CHODL: variants seen among roughly 807,000 people sequenced by gnomAD.
CHODL encodes chondrolectin.
Under a neutral mutation model 34.5 loss-of-function variants are expected in CHODL, and 29 were observed. The ratio of observed to expected loss-of-function variants is 0.84; its 90% CI spans 0.63 to 1.15. CHODL has a LOEUF of 1.15. Ranked by LOEUF, CHODL falls within the 50% of genes most tolerant of loss-of-function variation. The probability of loss-of-function intolerance (pLI) is 0.00; values close to 1 mark genes in which losing one functional copy is unlikely to be tolerated. For synonymous variants in CHODL, 125 were observed against 116.1 expected, an observed-to-expected ratio of 1.08 and a Z score of -0.49; for missense variants, 332 against 332.5, an observed-to-expected ratio of 1.00 and a Z score of 0.01.
At chr21:18,089,161 G>C (rs1010490325) in intron 2 of CHODL, among the ~76,000 whole-genome samples, 2 of 152,060 alleles carry the variant, frequency 1.3e-5, no homozygotes, top group Non-Finnish European at 2.9e-5. Flanking sequence ...ACATAACTCT[G>C]TATTATGTGC....
chr21:17,996,252 A>G (rs1436622917), intron 1 of CHODL, among the ~76,000 whole-genome samples: 1 of 152,200 alleles, frequency 6.6e-6, no homozygotes, highest in Non-Finnish European at 1.5e-5. Flanking sequence ...AATGTAAATT[A>G]TAGTCTAAAG....
At chr21:18,185,648 A>G (rs1450422222) in intron 2 of CHODL, among the ~76,000 whole-genome samples, 1 of 152,214 alleles carries the variant, frequency 6.6e-6, no homozygotes, top group Admixed American at 6.5e-5. Context: ...AGGCACATAA[A>G]GGGAGTTTAG....
At chr21:18,083,190 G>A (rs111731795) in intron 2 of CHODL, among the ~76,000 whole-genome samples, 6,341 of 152,278 alleles carry the variant, frequency 0.042, 433 homozygotes, top group African/African-American at 0.14. Flanking sequence ...AGCCATGGCT[G>A]TTGCTTCAGA....
In CHODL at chr21:18,265,941, T is replaced by TTA; in HGVS notation, c.738-11_738-10dup. ...AATTTTAGGCACTAAACATTTTTTCTTATGTTTTTCAGTAAAGGAAGAACA... is the reference window on the plus strand; with the variant it reads ...AATTTTAGGCACTAAACATTTTTTCTTATATGTTTTTCAGTAAAGGAAGAACA... On this transcript the variant is annotated splice_polypyrimidine_tract_variant and intron_variant, in intron 5 of 5. Coordinates refer to ENST00000299295, the MANE Select transcript of CHODL (RefSeq NM_024944.3). 1 of 1,605,268 alleles carries TTA rather than the reference T, an allele frequency of 6.2e-7. No homozygotes were observed. The highest frequency in any genetic ancestry group is 8.5e-7 in the Non-Finnish European group (1 of 1,176,664).
intron 2 of CHODL, among the ~76,000 whole-genome samples, chr21:18,071,475 T>C (rs532085310): frequency 6.6e-6 from 1 of 152,190 alleles, no homozygotes; most frequent in East Asian, 1.9e-4. Flanking sequence ...GTCTCCCTGT[T>C]TCTATGATCA....
rs1472297983 is a variant in CHODL at position 18,194,088 on chromosome 21, T to G, written c.-44-62421T>G. Among the ~76,000 whole-genome samples, 3 of 149,530 alleles carry G rather than the reference T, an allele frequency of 2.0e-5. No individual in the cohort carries two copies. The South Asian group carries it at 6.4e-4, about 32-fold the overall frequency. The stretch of plus-strand genomic sequence containing the variant: ...TACCCCCCTGTGAAAAACACAACGA[T>G]CTTTTGCCCTGATTATCAAAATAGC... On this transcript the variant is annotated intron_variant, in intron 2 of 6. Coordinates refer to the CHODL transcript ENST00000400127.
intron 2 of CHODL, among the ~76,000 whole-genome samples, chr21:18,202,710 A>G (rs976930696): frequency 6.6e-6 from 1 of 152,158 alleles, no homozygotes; most frequent in African/African-American, 2.4e-5. Context: ...TTAGTCCTTA[A>G]CTGATCATGT....
At chr21:17,975,498 A>G (rs2063654495) in intron 1 of CHODL, among the ~76,000 whole-genome samples, 1 of 152,170 alleles carries the variant, frequency 6.6e-6, no homozygotes, top group African/African-American at 2.4e-5. Flanking sequence ...AAGCCTTGCA[A>G]TGGCTGATTC....
intron 1 of CHODL, among the ~76,000 whole-genome samples, chr21:18,013,554 T>C (rs760649407): frequency 5.3e-5 from 8 of 152,064 alleles, no homozygotes; most frequent in African/African-American, 1.9e-4. Context: ...AGGAGTATTA[T>C]TTTGTTTTCT....
chr21:18,096,590 T>G (rs531523406), intron 2 of CHODL, among the ~76,000 whole-genome samples: 91 of 152,262 alleles, frequency 6.0e-4, no homozygotes, highest in South Asian at 3.3e-3. Flanking sequence ...GCCCTCAGGC[T>G]TGCTAGGATT....
intron 2 of CHODL, among the ~76,000 whole-genome samples, chr21:18,176,195 T>G (rs1397648199): frequency 6.6e-6 from 1 of 152,156 alleles, no homozygotes; most frequent in East Asian, 1.9e-4. Context: ...CATTTAGAGA[T>G]AAGTTAGAAG....
chr21:18,174,475 C>T (rs2073281978), intron 2 of CHODL, among the ~76,000 whole-genome samples: 1 of 151,992 alleles, frequency 6.6e-6, no homozygotes, highest in South Asian at 2.1e-4. Flanking sequence ...GATTATAAAA[C>T]ACAGTCACTC....
At chr21:18,171,310 C>T (rs1168738434) in intron 2 of CHODL, among the ~76,000 whole-genome samples, 1 of 146,660 alleles carries the variant, frequency 6.8e-6, no homozygotes, top group African/African-American at 2.5e-5. Context: ...GGGTTCACGC[C>T]ATTCTCCTGC....
intron 2 of CHODL, among the ~76,000 whole-genome samples, chr21:18,152,046 G>A (rs978633958): frequency 3.3e-5 from 5 of 151,234 alleles, no homozygotes; most frequent in African/African-American, 9.7e-5. Flanking sequence ...GTGAATTTGT[G>A]TATAACCTAT....
At chr21:18,049,806 C>T (rs1250210792) in intron 2 of CHODL, among the ~76,000 whole-genome samples, 1 of 151,940 alleles carries the variant, frequency 6.6e-6, no homozygotes, top group East Asian at 1.9e-4. Context: ...ACCTTTTCTT[C>T]AAATACGGCT....
chr21:17,952,617 T>C (rs998031791), intron 1 of CHODL, among the ~76,000 whole-genome samples: 10 of 152,086 alleles, frequency 6.6e-5, no homozygotes, highest in Non-Finnish European at 1.3e-4. Flanking sequence ...ATACCAGATA[T>C]AAACTTGAAC....
At chr21:17,981,087 A>G (rs936778895) in intron 1 of CHODL, among the ~76,000 whole-genome samples, 4 of 152,218 alleles carry the variant, frequency 2.6e-5, no homozygotes, top group African/African-American at 4.8e-5. Context: ...TACTGTCACT[A>G]TACAAACCCT....
chr21:18,177,905 G>T (rs2073336354), intron 2 of CHODL, among the ~76,000 whole-genome samples: 1 of 152,064 alleles, frequency 6.6e-6, no homozygotes, highest in South Asian at 2.1e-4. Context: ...AAACAAATTT[G>T]TTAATCTTTG....
At chr21:18,106,685 C>T (rs549457038) in intron 2 of CHODL, among the ~76,000 whole-genome samples, 2 of 151,986 alleles carry the variant, frequency 1.3e-5, no homozygotes, top group South Asian at 2.1e-4. Flanking sequence ...TATGTAGAGA[C>T]GCGGTTTCAC....
Sources: allele counts gnomAD v4.1 joint callset (sites outside exome capture counted in the v4.1 genomes callset), GRCh38; gene constraint gnomAD v4.1.1; transcripts MANE v1.5; gene names NCBI Gene and HGNC (gene_info 2026-07-23, HGNC 2026-07-21).